Variants in PRELID2 observed in about 807,000 individuals in gnomAD.
PRELID2 encodes PRELI domain-containing protein 2.
Under a neutral mutation model 28.4 loss-of-function variants are expected in PRELID2, and 25 were observed. That is an observed-to-expected ratio of 0.88 (90% CI 0.64 to 1.23). The LOEUF (loss-of-function observed/expected upper bound fraction) is 1.23. Among genes scored for constraint, PRELID2 ranks in the 50% most tolerant of loss-of-function variants. The probability of loss-of-function intolerance (pLI) is 0.00; values close to 1 mark genes in which losing one functional copy is unlikely to be tolerated. For missense variants in PRELID2, 201 were observed against 214.4 expected (o/e 0.94, Z 0.39); for synonymous variants, 76 against 71.6 (o/e 1.06, Z -0.31).
the PRELID2 span, among the ~76,000 whole-genome samples, chr5:145,241,016 C>G: frequency 6.6e-6 from 1 of 151,836 alleles, no homozygotes; most frequent in Non-Finnish European, 1.5e-5. Context: ...GCTTCAGCGT[C>G]CTCATCTGGA....
At chr5:145,262,726 A>C in the PRELID2 span, among the ~76,000 whole-genome samples, 1 of 152,152 alleles carries the variant, frequency 6.6e-6, no homozygotes, top group Admixed American at 6.6e-5. Context: ...ACACCAAAAT[A>C]AAATCTCTTA....
chr5:145,244,794 C>T, the PRELID2 span, among the ~76,000 whole-genome samples: 1 of 152,040 alleles, frequency 6.6e-6, no homozygotes, highest in Non-Finnish European at 1.5e-5. Context: ...CAATTCAGAT[C>T]AGAGTTAATT....
intron 5 of PRELID2, among the ~76,000 whole-genome samples, chr5:145,787,474 G>T (rs1449740253): frequency 6.6e-6 from 1 of 152,034 alleles, no homozygotes; most frequent in Non-Finnish European, 1.5e-5. Flanking sequence ...AGAGACAAAA[G>T]CTCCCTAAAT....
intron 1 of PRELID2, among the ~76,000 whole-genome samples, chr5:145,585,106 T>TAAAAAGG (rs1397984886): frequency 6.6e-6 from 1 of 152,058 alleles, no homozygotes. Flanking sequence ...TATGCAGCCA[T>TAAAAAGG]AAAAAGGAAT....
At position 145,597,510 on chromosome 5, in the gene PRELID2, G is replaced by A. The variant is rs568239260; in HGVS notation, n.71-124195C>T. Among the ~76,000 whole-genome samples the A allele has an allele frequency of 2.0e-5, 3 of 152,238 alleles. No homozygotes were observed. In the South Asian group the frequency reaches 6.2e-4, roughly 32 times the overall value. On this transcript the variant is annotated intron_variant and non_coding_transcript_variant, in intron 1 of 2. Coordinates refer to the PRELID2 transcript ENST00000510259. ...ACAATTTAAAATTCGAGATAAATGA[G>A]TATTGGGTTGAACAATACAATACTG...
chr5:145,820,091 C>T (rs1447354792), intron 2 of PRELID2, 73 bp from the exon 3 acceptor site: 30 of 849,392 alleles, frequency 3.5e-5, no homozygotes, highest in Non-Finnish European at 4.5e-5. Context: ...ATAAATCTTG[C>T]GGGGGTGGGG....
At chr5:145,580,483 T>A (rs1209732659) in intron 1 of PRELID2, among the ~76,000 whole-genome samples, 2 of 152,060 alleles carry the variant, frequency 1.3e-5, no homozygotes, top group Non-Finnish European at 2.9e-5. Flanking sequence ...CTCAGAGGCC[T>A]AAGCTAAGTT....
At chr5:145,674,599 T>C (rs1754777148) in intron 1 of PRELID2, among the ~76,000 whole-genome samples, 1 of 152,154 alleles carries the variant, frequency 6.6e-6, no homozygotes, top group Non-Finnish European at 1.5e-5. Context: ...TCAGACTGGA[T>C]CTATTCCTCA....
the PRELID2 span, among the ~76,000 whole-genome samples, chr5:145,381,037 C>T: frequency 6.6e-6 from 1 of 152,242 alleles, no homozygotes; most frequent in East Asian, 1.9e-4. Context: ...TTCATCGTAG[C>T]ATGTATTTTG....
At chr5:145,276,981 T>C in the PRELID2 span, among the ~76,000 whole-genome samples, 1 of 152,114 alleles carries the variant, frequency 6.6e-6, no homozygotes, top group Non-Finnish European at 1.5e-5. Context: ...AGAAATGAAG[T>C]CCAGGTCTCC....
intron 5 of PRELID2, among the ~76,000 whole-genome samples, chr5:145,784,800 T>C (rs79752441): frequency 4.2e-5 from 4 of 95,430 alleles, no homozygotes; most frequent in Non-Finnish European, 7.0e-5. Context: ...TTTTTTTTTT[T>C]AAAAAAACAT....
At chr5:145,477,310 A>T (rs1752111667) in intron 1 of PRELID2, among the ~76,000 whole-genome samples, 1 of 152,162 alleles carries the variant, frequency 6.6e-6, no homozygotes, top group African/African-American at 2.4e-5. Flanking sequence ...GTGTTTGCTC[A>T]TTCTCAAGCA....
intron 1 of PRELID2, among the ~76,000 whole-genome samples, chr5:145,698,355 C>G (rs1399286225): frequency 6.6e-6 from 1 of 152,062 alleles, no homozygotes; most frequent in Non-Finnish European, 1.5e-5. Flanking sequence ...TATCTTGGAG[C>G]TTATAGTCTA....
At chr5:145,411,723 C>A in the PRELID2 span, among the ~76,000 whole-genome samples, 2 of 152,282 alleles carry the variant, frequency 1.3e-5, no homozygotes, top group African/African-American at 4.8e-5. Flanking sequence ...GGCTCTAATC[C>A]CACATTTCCC....
chr5:145,446,464 G>A, the PRELID2 span, among the ~76,000 whole-genome samples: 1 of 152,032 alleles, frequency 6.6e-6, no homozygotes, highest in East Asian at 1.9e-4. Flanking sequence ...CATAGGAGGA[G>A]CCAGGAAAAC....
At chr5:145,660,897 G>A (rs1277254732) in intron 1 of PRELID2, among the ~76,000 whole-genome samples, 1 of 152,210 alleles carries the variant, frequency 6.6e-6, no homozygotes, top group Non-Finnish European at 1.5e-5. Context: ...GTATGTATGT[G>A]TAATGAACTG....
intron 1 of PRELID2, among the ~76,000 whole-genome samples, chr5:145,476,138 G>A (rs1338754175): frequency 1.3e-5 from 2 of 152,136 alleles, no homozygotes; most frequent in Admixed American, 6.5e-5. Flanking sequence ...TGAACAAAAG[G>A]AGCCCAGGAA....
chr5:145,255,645 G>A, the PRELID2 span, among the ~76,000 whole-genome samples: 1 of 151,952 alleles, frequency 6.6e-6, no homozygotes, highest in South Asian at 2.1e-4. Context: ...GCAAGGCATG[G>A]TGGTGTGTAC....
At chr5:145,250,963 A>G in the PRELID2 span, among the ~76,000 whole-genome samples, 2 of 152,160 alleles carry the variant, frequency 1.3e-5, no homozygotes, top group Non-Finnish European at 2.9e-5. Context: ...AATGACACAC[A>G]GTGCCTTTGC....
Sources: gnomAD v4.1 joint callset for allele counts (sites outside exome capture counted in the v4.1 genomes callset) on GRCh38, gnomAD v4.1.1 for gene constraint, MANE v1.5 for transcripts, NCBI Gene and HGNC (gene_info 2026-07-23, HGNC 2026-07-21) for gene names.